The following ZNF169 variants were observed in gnomAD, a reference collection of about 807,000 sequenced individuals.
ZNF169 encodes the protein zinc finger protein 169.
Under a neutral mutation model 12.0 loss-of-function variants are expected in ZNF169, and 11 were observed. The ratio of observed to expected loss-of-function variants is 0.92; its 90% confidence interval spans 0.58 to 1.52. The LOEUF is 1.52. ZNF169 is among the 40% of genes most tolerant of loss of function. ZNF169 has a pLI of 0.00. For synonymous variants in ZNF169, 302 were observed against 286.5 expected, an observed-to-expected ratio of 1.05 and a Z score of -0.55; for missense variants, 722 against 744.0, an observed-to-expected ratio of 0.97 and a Z score of 0.34.
intron 4 of ZNF169, chr9:94,295,400 T>C (rs1564092374): frequency 6.6e-6 from 1 of 152,202 alleles, no homozygotes; most frequent in African/African-American, 2.4e-5. Flanking sequence ...ATAAGATATG[T>C]TTTTTAAGGT....
intron 4 of ZNF169, among the ~76,000 whole-genome samples, chr9:94,298,967 G>A (rs1255845399): frequency 1.3e-5 from 2 of 152,128 alleles, no homozygotes; most frequent in East Asian, 1.9e-4. Context: ...GCCGAAATAT[G>A]TATAATCCCT....
At chr9:94,266,267 C>T (rs1830291375) in intron 1 of ZNF169, among the ~76,000 whole-genome samples, 2 of 152,060 alleles carry the variant, frequency 1.3e-5, no homozygotes, top group Admixed American at 6.6e-5. Context: ...ACCTGACCTG[C>T]CACAATCCCC....
chr9:94,277,672 T>A (rs968603699), intron 1 of ZNF169, among the ~76,000 whole-genome samples: 1 of 151,854 alleles, frequency 6.6e-6, no homozygotes, highest in Non-Finnish European at 1.5e-5. Flanking sequence ...TGGCTCACGC[T>A]TGTAATCCCA....
intron 1 of ZNF169, among the ~76,000 whole-genome samples, chr9:94,260,854 T>G (rs552356575): frequency 0.17 from 19,642 of 116,320 alleles, 2,728 homozygotes; most frequent in Non-Finnish European, 0.21. Context: ...GAAGTCTCAC[T>G]CTGTCGCCCA....
At chr9:94,298,329 A>G (rs1468037864) in intron 4 of ZNF169, among the ~76,000 whole-genome samples, 1 of 152,162 alleles carries the variant, frequency 6.6e-6, no homozygotes, top group Non-Finnish European at 1.5e-5. Context: ...ACAGCAAACA[A>G]TTTCAGAGAT....
chr9:94,285,126 C>A (rs551867415), intron 2 of ZNF169, among the ~76,000 whole-genome samples: 9 of 152,054 alleles, frequency 5.9e-5, no homozygotes, highest in Non-Finnish European at 1.0e-4. Context: ...ATGTCGAGAT[C>A]CTTCCATCAG....
chr9:94,296,544 C>G (rs959692772), intron 4 of ZNF169, among the ~76,000 whole-genome samples: 1 of 152,006 alleles, frequency 6.6e-6, no homozygotes, highest in African/African-American at 2.4e-5. Context: ...GATAAAAGAT[C>G]TGAATTTATG....
chr9:94,299,875 T>A lies in ZNF169; in HGVS notation c.317T>A (p.Leu106His). The A allele has an allele frequency of 6.2e-7, 1 of 1,614,142 alleles. No individual in the cohort carries two copies. Among genetic ancestry groups the A allele is most frequent in the South Asian group, 1.1e-5 (1 of 91,078 alleles). Residue 106 changes from leucine (L) to histidine (H), a missense_variant, in exon 5 of 5, where the codon CTC becomes CAC. Physicochemically the swap from Leu to His is moderately conservative, Grantham distance 99. Coordinates refer to ENST00000395395, the MANE Select transcript of ZNF169 (RefSeq NM_194320.4). ...CTGGTGGCCTTTTCTAGCTCGCAGC[T>A]CCTCAGACAATATGCGCTAAGTGGC... is the stretch of plus-strand genomic sequence containing the variant. Reference protein sequence around the residue: ...PHLVAFSSSQLLRQYALSGHP... With the variant: ...PHLVAFSSSQHLRQYALSGHP...
chr9:94,293,486 G>A (rs564059182), intron 4 of ZNF169: 290 of 391,976 alleles, frequency 7.4e-4, no homozygotes, highest in African/African-American at 5.2e-3. Context: ...GCATGATCTC[G>A]GCTCACTGCA....
intron 2 of ZNF169, 109 bp downstream of exon 2, chr9:94,278,954 C>G (rs1318647539): frequency 4.7e-6 from 5 of 1,057,656 alleles, no homozygotes; most frequent in Non-Finnish European, 5.6e-6. Flanking sequence ...ATCTTGTAGG[C>G]GTGACTCATC....
intron 2 of ZNF169, among the ~76,000 whole-genome samples, chr9:94,285,845 C>T: frequency 6.6e-6 from 1 of 151,962 alleles, no homozygotes; most frequent in East Asian, 1.9e-4. Flanking sequence ...GTCGTCTCTA[C>T]TAAAAATACA....
At chr9:94,281,467 T>C (rs528104903) in intron 2 of ZNF169, among the ~76,000 whole-genome samples, 10 of 152,324 alleles carry the variant, frequency 6.6e-5, no homozygotes, top group Non-Finnish European at 1.3e-4. Flanking sequence ...CCAGAAAACC[T>C]GAGACAGGTC....
intron 1 of ZNF169, among the ~76,000 whole-genome samples, chr9:94,260,483 TGG>T (rs71500054): frequency 0.31 from 44,927 of 144,360 alleles, 7,254 homozygotes; most frequent in Non-Finnish European, 0.38. Flanking sequence ...GTCTTGATAG[TGG>T]GGGGGGGGAC....
intron 2 of ZNF169, among the ~76,000 whole-genome samples, chr9:94,289,434 G>A (rs1319248651): frequency 1.3e-5 from 2 of 151,876 alleles, no homozygotes; most frequent in Non-Finnish European, 2.9e-5. Context: ...GTAAAACGAT[G>A]ACACCAGCAA....
At chr9:94,263,312 T>C (rs1354580555) in intron 1 of ZNF169, among the ~76,000 whole-genome samples, 2 of 152,236 alleles carry the variant, frequency 1.3e-5, no homozygotes, top group East Asian at 3.8e-4. Context: ...CCTGATGAAT[T>C]GACTGTTTTA....
chr9:94,264,512 G>A (rs1830257525), intron 1 of ZNF169, among the ~76,000 whole-genome samples: 1 of 152,146 alleles, frequency 6.6e-6, no homozygotes. Flanking sequence ...CGTTTCTGGT[G>A]ATCTTCAATC....
chr9:94,284,286 G>C (rs973437184), intron 2 of ZNF169, among the ~76,000 whole-genome samples: 1 of 150,894 alleles, frequency 6.6e-6, no homozygotes, highest in Admixed American at 6.6e-5. Flanking sequence ...TTAGCCGGGC[G>C]TGGTGGCACG....
intron 2 of ZNF169, among the ~76,000 whole-genome samples, chr9:94,280,920 T>C (rs1009132675): frequency 6.6e-6 from 1 of 152,104 alleles, no homozygotes; most frequent in African/African-American, 2.4e-5. Flanking sequence ...TGAGTAGAAC[T>C]GGCGGGAAAG....
At chr9:94,278,655 G>A (rs1587677376) in intron 1 of ZNF169, 103 bp from the exon 2 acceptor site, 1 of 607,064 alleles carries the variant, frequency 1.6e-6, no homozygotes, top group East Asian at 3.0e-5. Context: ...ACCTGTCTTT[G>A]TTGCTTCCCT....
Sources: allele counts gnomAD v4.1 joint callset (sites outside exome capture counted in the v4.1 genomes callset), GRCh38; gene constraint gnomAD v4.1.1; transcripts MANE v1.5; gene names NCBI Gene and HGNC (gene_info 2026-07-23, HGNC 2026-07-21).